PGLYRP3: variants seen among roughly 807,000 people sequenced by gnomAD.
PGLYRP3 encodes the protein peptidoglycan recognition protein I alpha.
In PGLYRP3, 39 loss-of-function variants were observed where a neutral mutation model predicts 36.0. That is an observed-to-expected ratio of 1.08 (90% CI 0.84 to 1.41). PGLYRP3 has a LOEUF of 1.41. Ranked by LOEUF, PGLYRP3 falls within the 40% of genes most tolerant of loss-of-function variation. The pLI is 0.00. For missense variants in PGLYRP3, 407 were observed against 427.9 expected, an observed-to-expected ratio of 0.95 and a Z score of 0.43; for synonymous variants, 204 against 172.8, an observed-to-expected ratio of 1.18 and a Z score of -1.42.
At chr1:153,303,737 T>G in intron 5 of PGLYRP3, 120 bp downstream of exon 5, 175 of 1,188,384 alleles carry the variant, frequency 1.5e-4, no homozygotes, top group Middle Eastern at 3.1e-4. Context: ...AAAGTAGGCA[T>G]GAGATGTTCT....
chr1:153,302,965 G>A (rs915682865), intron 5 of PGLYRP3, among the ~76,000 whole-genome samples: 6 of 152,202 alleles, frequency 3.9e-5, no homozygotes, highest in Admixed American at 6.5e-5. Flanking sequence ...GGGCTACTAC[G>A]CGGAAGTCAG....
chr1:153,308,002 T>C lies in PGLYRP3; in HGVS notation c.56-735A>G, dbSNP rs75099763. On this transcript the variant is annotated intron_variant, in intron 2 of 7. Coordinates refer to ENST00000683862, the MANE Select transcript of PGLYRP3 (RefSeq NM_052891.3). ...GGGTTTTTTCTCCTTCTCTCTCTCT[T>C]TTTTTTTTTTGAAATGGAGTCTCGC... Among the ~76,000 whole-genome samples the C allele has an allele frequency of 6.9e-3, 1,027 of 149,262 alleles. 28 individuals carry two copies. In the East Asian group the frequency reaches 0.088, roughly 13 times the overall value.
At chr1:153,302,957 G>A (rs1183452386) in intron 5 of PGLYRP3, among the ~76,000 whole-genome samples, 1 of 152,172 alleles carries the variant, frequency 6.6e-6, no homozygotes, top group Non-Finnish European at 1.5e-5. Context: ...ATGTAACAGG[G>A]CTACTACGCG....
In PGLYRP3 at chr1:153,310,806, G is replaced by A. The variant is rs527424499; in HGVS notation, c.-41-100C>T. On this transcript the variant is annotated intron_variant, in intron 1 of 7. Coordinates refer to ENST00000683862, the MANE Select transcript of PGLYRP3 (RefSeq NM_052891.3). ...CTGTCTGCCTCCCCTACCATCCTGTGGCTTCCTGAGGGCCAGCACCTGGCT... is the reference window on the plus strand; with the variant it reads ...CTGTCTGCCTCCCCTACCATCCTGTAGCTTCCTGAGGGCCAGCACCTGGCT... 1,782 of 743,580 alleles carry A rather than the reference G, an allele frequency of 2.4e-3. 3 individuals are homozygous for A. Among genetic ancestry groups the A allele is most frequent in the Non-Finnish European group, 3.4e-3 (1,506 of 445,042 alleles). 46.1% of individuals were successfully genotyped at this position (743,580 alleles called of 1,614,324 possible). A position where few individuals can be genotyped will look rare whatever the true frequency, so the allele number is the denominator to read the frequency against.
intron 6 of PGLYRP3, among the ~76,000 whole-genome samples, chr1:153,300,596 G>T (rs987239157): frequency 1.3e-5 from 2 of 152,158 alleles, no homozygotes; most frequent in Non-Finnish European, 2.9e-5. Context: ...GGACTCTTAC[G>T]CACACAAGCC....
chr1:153,308,791 C>T (rs1659821588), intron 2 of PGLYRP3, among the ~76,000 whole-genome samples: 1 of 152,200 alleles, frequency 6.6e-6, no homozygotes, highest in African/African-American at 2.4e-5. Context: ...CTGGCCTTGG[C>T]CTGCCTCTGC....
intron 1 of PGLYRP3, among the ~76,000 whole-genome samples, chr1:153,311,310 T>C (rs1232856279): frequency 6.6e-6 from 1 of 152,208 alleles, no homozygotes; most frequent in Non-Finnish European, 1.5e-5. Flanking sequence ...TCCAAGGTTT[T>C]TGCTGAGGAC....
In PGLYRP3 at chr1:153,297,875, G is replaced by A. The variant is rs531150054; in HGVS notation, c.*81C>T. The A allele has an allele frequency of 1.6e-4, 243 of 1,495,576 alleles. 3 individuals carry two copies. The South Asian group carries it at 2.8e-3, about 17-fold the overall frequency. The allele number at this position is 1,495,576 out of a possible 1,614,324, so 92.6% of individuals were successfully genotyped here. A position where few individuals can be genotyped will look rare whatever the true frequency, so the allele number is the denominator to read the frequency against. ...GGCTGGCAGGGGAGGGGGACACAAG[G>A]TGCTGAGCCACCTTGGCTGGTGAGG... On this transcript the variant is annotated 3_prime_UTR_variant, in exon 8 of 8. Transcript: ENST00000683862.
chr1:153,298,970 C>T lies in PGLYRP3; in HGVS notation c.847+143G>A, dbSNP rs1309528118. 4.6e-5 allele frequency: 31 copies of T among 669,700 alleles called. No individual in the cohort carries two copies. The Admixed American group carries it at 6.7e-4, about 15-fold the overall frequency. The allele number at this position is 669,700 out of a possible 1,614,324, so 41.5% of individuals were successfully genotyped here. On this transcript the variant is annotated intron_variant, in intron 7 of 7. Coordinates refer to ENST00000683862, the MANE Select transcript of PGLYRP3 (RefSeq NM_052891.3). ...TCTGAAAGGGGATCCTGGTGACATC[C>T]TGTATTAAGAGTCCACTTTAAAGCT...
intron 5 of PGLYRP3, 30 bp from the exon 6 acceptor site, chr1:153,302,637 G>A (rs778182082): frequency 6.8e-6 from 11 of 1,611,420 alleles, no homozygotes; most frequent in East Asian, 2.2e-5. Context: ...CAAGGAAGTA[G>A]GAATTTTTTT....
chr1:153,312,549 A>C (rs1224382452), intron 1 of PGLYRP3, among the ~76,000 whole-genome samples, 94 bp downstream of exon 1: 2 of 152,156 alleles, frequency 1.3e-5, no homozygotes, highest in African/African-American at 4.8e-5. Flanking sequence ...CCATGTACAC[A>C]TTTTAACCCT....
chr1:153,301,659 A>G (rs1421317972), intron 6 of PGLYRP3, among the ~76,000 whole-genome samples: 1 of 152,228 alleles, frequency 6.6e-6, no homozygotes, highest in Admixed American at 6.5e-5. Flanking sequence ...AAGGAGAGAT[A>G]GTAGGCCCAG....
At chr1:153,300,360 A>G (rs552585052) in intron 6 of PGLYRP3, among the ~76,000 whole-genome samples, 122 of 152,346 alleles carry the variant, frequency 8.0e-4, no homozygotes, top group Non-Finnish European at 1.5e-3. Context: ...TTAGAGACTC[A>G]TCATATACAT....
At chr1:153,305,827 C>T (rs192527200) in intron 3 of PGLYRP3, among the ~76,000 whole-genome samples, 2 of 152,318 alleles carry the variant, frequency 1.3e-5, no homozygotes. Context: ...GTGTCCACCC[C>T]TTCCCTGGCT....
At chr1:153,298,192 A>G in intron 7 of PGLYRP3, 58 bp from the exon 8 acceptor site, 1 of 1,571,846 alleles carries the variant, frequency 6.4e-7, no homozygotes, top group Non-Finnish European at 8.7e-7. Context: ...TGATTAGGGA[A>G]GGGACAAGCA....
chr1:153,312,373 T>C (rs1659915859), intron 1 of PGLYRP3, among the ~76,000 whole-genome samples: 1 of 152,172 alleles, frequency 6.6e-6, no homozygotes, highest in African/African-American at 2.4e-5. Context: ...TTTAGGGCTC[T>C]ACAGAAAAGG....
rs376195550 is a variant in PGLYRP3, at chr1:153,312,869, C to T, written c.-268G>A. 1.3e-5 allele frequency among the ~76,000 whole-genome samples: 2 copies of T among 152,126 alleles called. No homozygotes were observed. Among genetic ancestry groups the T allele is most frequent in the African/African-American group, 4.8e-5 (2 of 41,416 alleles). On this transcript the variant is annotated 5_prime_UTR_variant, in exon 1 of 8. Coordinates refer to ENST00000683862, the MANE Select transcript of PGLYRP3 (RefSeq NM_052891.3). The stretch of plus-strand genomic sequence containing the variant: ...AGAGAGAAGAGGAGAGCCCAGGATC[C>T]CTAACAAAAGATGGAAGAGAAGAGA...
intron 6 of PGLYRP3, among the ~76,000 whole-genome samples, chr1:153,300,021 A>G (rs1169955015): frequency 6.6e-6 from 1 of 152,142 alleles, no homozygotes; most frequent in Non-Finnish European, 1.5e-5. Flanking sequence ...TTTTTCTAAA[A>G]TACAAATCCT....
Position 153,310,699 on chromosome 1 carries a change from C to T in PGLYRP3, c.-34G>A, listed in dbSNP as rs374684250. 51 of 1,603,278 alleles carry T rather than the reference C, an allele frequency of 3.2e-5. No individual in the cohort carries two copies. Among genetic ancestry groups the T allele is most frequent in the African/African-American group, 9.4e-5 (7 of 74,616 alleles). On this transcript the variant is annotated 5_prime_UTR_variant, in exon 2 of 8. Transcript: ENST00000683862. The stretch of plus-strand genomic sequence containing the variant: ...AGGACTCTGACCGGGAGAGTGTGGA[C>T]GGCAGCCCTGGAAGAGAGGCTAACA...
Sources: gnomAD v4.1 joint callset for allele counts (sites outside exome capture counted in the v4.1 genomes callset) on GRCh38, gnomAD v4.1.1 for gene constraint, MANE v1.5 for transcripts, NCBI Gene and HGNC (gene_info 2026-07-23, HGNC 2026-07-21) for gene names.